Variants in TPTE observed in about 807,000 individuals in gnomAD.
TPTE encodes the protein transmembrane phosphatase with tensin homology.
In TPTE, 59 loss-of-function variants were observed where a neutral mutation model predicts 84.1. The observed-to-expected ratio is 0.70, with a 90% confidence interval of 0.57 to 0.87. TPTE has a LOEUF of 0.87. TPTE is among the 40% of genes least tolerant of loss of function. TPTE has a pLI of 0.00. For missense variants in TPTE, 382 were observed against 659.6 expected (o/e 0.58, Z 4.61); for synonymous variants, 130 against 223.5 (o/e 0.58, Z 3.73).
intron 19 of TPTE, among the ~76,000 whole-genome samples, chr21:10,595,685 A>T (rs1342618052): frequency 1.3e-5 from 2 of 152,308 alleles, no homozygotes; most frequent in African/African-American, 2.4e-5. Flanking sequence ...GACACTGATG[A>T]TACTGTAACT....
chr21:10,550,424 G>A (rs1483348003), intron 7 of TPTE, among the ~76,000 whole-genome samples: 1 of 152,306 alleles, frequency 6.6e-6, no homozygotes, highest in Admixed American at 6.5e-5. Flanking sequence ...AAAGTGAGCA[G>A]GGATAGCTAT....
At chr21:10,585,241 C>CAAAAAAAAAAAAAAAAAAATAAAAA (rs61644136) in intron 17 of TPTE, among the ~76,000 whole-genome samples, 1 of 144,204 alleles carries the variant, frequency 6.9e-6, no homozygotes, top group African/African-American at 2.5e-5. Flanking sequence ...AAAAATGAAA[C>CAAAAAAAAAAAAAAAAAAATAAAAA]AAAAAAAAAA....
intron 10 of TPTE, among the ~76,000 whole-genome samples, chr21:10,563,754 A>G (rs1320804866): frequency 1.3e-5 from 2 of 152,312 alleles, no homozygotes; most frequent in East Asian, 1.9e-4. Context: ...AAACAACCAG[A>G]AAACAGATAA....
chr21:10,605,476 A>T lies in TPTE; in HGVS notation c.1580A>T (p.Tyr527Phe). The T allele has an allele frequency of 1.2e-6, 2 of 1,614,238 alleles. No individual in the cohort carries two copies. The highest frequency in any genetic ancestry group is 8.5e-7 in the Non-Finnish European group (1 of 1,180,026). ...CATAAACAAAAAGCACGGAGAATTT[A>T]TCCATCAGATTTTGCCGTGGAGATA... is the stretch of plus-strand genomic sequence containing the variant. ...NLHKQKARRI[Y>F]PSDFAVEILF... Residue 527 changes from tyrosine (Y) to phenylalanine (F), a missense_variant, in exon 24 of 24, where the codon TAT (tyrosine) becomes TTT (phenylalanine). Transcript: ENST00000618007.
At chr21:10,587,487 G>T (rs1157183012) in intron 17 of TPTE, among the ~76,000 whole-genome samples, 17 of 152,354 alleles carry the variant, frequency 1.1e-4, no homozygotes, top group African/African-American at 3.9e-4. Context: ...TTTTGTTCCT[G>T]CATTAATTTG....
At chr21:10,554,378 A>G (rs58024926) in intron 8 of TPTE, among the ~76,000 whole-genome samples, 214 of 152,340 alleles carry the variant, frequency 1.4e-3, no homozygotes, top group African/African-American at 5.0e-3. Context: ...AAAGGGAATG[A>G]TTGTGACGCT....
intron 19 of TPTE, among the ~76,000 whole-genome samples, chr21:10,592,805 G>GGTTGTGTGTGTGTGTGTGTGT (rs1555820854): frequency 4.2e-4 from 63 of 148,920 alleles, no homozygotes; most frequent in African/African-American, 1.5e-3. Context: ...GATGACTCCT[G>GGTTGTGTGTGTGTGTGTGTGT]GTGTGTGTGT....
chr21:10,570,403 C>T (rs543667050), intron 13 of TPTE, 82 bp from the exon 14 acceptor site: 5 of 1,602,262 alleles, frequency 3.1e-6, no homozygotes, highest in African/African-American at 2.7e-5. Flanking sequence ...AAAATGGAAT[C>T]TGATCATGTA....
intron 17 of TPTE, among the ~76,000 whole-genome samples, chr21:10,579,690 G>T (rs528380165): frequency 6.6e-6 from 1 of 152,308 alleles, no homozygotes; most frequent in Non-Finnish European, 1.5e-5. Context: ...CTCCAGGTTC[G>T]TCCATATTAT....
At chr21:10,598,734 A>C (rs1244665168) in intron 21 of TPTE, among the ~76,000 whole-genome samples, 1 of 152,312 alleles carries the variant, frequency 6.6e-6, no homozygotes, top group African/African-American at 2.4e-5. Context: ...GAAATGCCTA[A>C]AACTATATAC....
At chr21:10,562,412 A>T (rs1406868944) in intron 10 of TPTE, among the ~76,000 whole-genome samples, 8 of 152,418 alleles carry the variant, frequency 5.2e-5, no homozygotes, top group South Asian at 4.1e-4. Context: ...AATGAACTAA[A>T]TAAGACACCA....
At chr21:10,552,264 G>T (rs1276083173) in intron 7 of TPTE, among the ~76,000 whole-genome samples, 80 of 152,398 alleles carry the variant, frequency 5.2e-4, no homozygotes, top group Admixed American at 3.9e-4. Flanking sequence ...ACATTTGTGT[G>T]AGTTGCTTAA....
intron 10 of TPTE, among the ~76,000 whole-genome samples, chr21:10,564,162 T>G (rs1019229798): frequency 2.6e-5 from 4 of 152,178 alleles, no homozygotes; most frequent in African/African-American, 9.7e-5. Context: ...CAAAAATAAA[T>G]AAAATAAAAA....
rs752760516 is a variant in TPTE, at chr21:10,603,607, C to T, written c.1495C>T (p.His499Tyr). The change falls in exon 23 of 24, where the codon CAC (histidine) becomes TAC (tyrosine). Residue 499 changes from histidine to tyrosine, a missense_variant. Physicochemically the swap from His to Tyr is moderately conservative, Grantham distance 83. Transcript: ENST00000618007. ...YDNCSFYFWLHTSFIENNRLY... is the reference protein window; with the variant it reads ...YDNCSFYFWLYTSFIENNRLY... ...CAATTGCTCATTTTACTTCTGGTTG[C>T]ACACATCTTTTATTGAAAATAACAG... The T allele has an allele frequency of 3.1e-6, 5 of 1,612,314 alleles. No homozygotes were observed. Among genetic ancestry groups the T allele is most frequent in the East Asian group, 2.2e-5 (1 of 44,802 alleles).
intron 3 of TPTE, 50 bp from the exon 4 acceptor site, chr21:10,538,631 A>C (rs1261382500): frequency 1.2e-6 from 2 of 1,613,140 alleles, no homozygotes; most frequent in Non-Finnish European, 1.7e-6. Context: ...CAGAAAAGTA[A>C]ATTTTGAATT....
chr21:10,583,529 G>GA, intron 17 of TPTE, among the ~76,000 whole-genome samples: 1 of 152,422 alleles, frequency 6.6e-6, no homozygotes, highest in South Asian at 2.1e-4. Flanking sequence ...TCTGTGATTT[G>GA]CCTTTTCTGT....
Position 10,565,402 on chromosome 21 carries a change from A to C in TPTE, c.447-2268A>C, listed in dbSNP as rs533488263. Among the ~76,000 whole-genome samples the C allele has an allele frequency of 6.6e-5, 10 of 152,426 alleles. No individual in the cohort carries two copies. The South Asian group carries it at 1.9e-3, about 28-fold the overall frequency. On this transcript the variant is annotated intron_variant, in intron 10 of 23. Transcript: ENST00000618007. ...AGATTCCATGTTCATGGATTGGAAG[A>C]ATCAATATTGTTAAAATGTCCATAC...
intron 14 of TPTE, among the ~76,000 whole-genome samples, chr21:10,572,676 A>G (rs1206738640): frequency 6.6e-6 from 1 of 152,310 alleles, no homozygotes; most frequent in Non-Finnish European, 1.5e-5. Flanking sequence ...GAAATGAGGG[A>G]GAAATAAAGT....
chr21:10,590,084 G>T (rs1398658663), intron 17 of TPTE, among the ~76,000 whole-genome samples: 309 of 151,398 alleles, frequency 2.0e-3, no homozygotes, highest in East Asian at 0.016. Flanking sequence ...ATCTTCTACT[G>T]CATTTGTGCA....
Sources: allele counts gnomAD v4.1 joint callset (sites outside exome capture counted in the v4.1 genomes callset), GRCh38; gene constraint gnomAD v4.1.1; transcripts MANE v1.5; gene names NCBI Gene and HGNC (gene_info 2026-07-23, HGNC 2026-07-21).